The following MACROD2 variants were observed in gnomAD, a reference collection of about 807,000 sequenced individuals.
MACROD2 encodes the protein ADP-ribose glycohydrolase MACROD2.
Under a neutral mutation model 70.4 loss-of-function variants are expected in MACROD2, and 36 were observed. The ratio of observed to expected loss-of-function variants is 0.51; its 90% CI spans 0.39 to 0.68. The LOEUF is 0.68. MACROD2 is among the 30% of genes least tolerant of loss of function. The probability of loss-of-function intolerance (pLI) is 0.00; values close to 1 mark genes in which losing one functional copy is unlikely to be tolerated. For synonymous variants in MACROD2, 172 were observed against 178.8 expected, an observed-to-expected ratio of 0.96 and a Z score of 0.30; for missense variants, 496 against 538.4, an observed-to-expected ratio of 0.92 and a Z score of 0.78.
chr20:15,243,989 T>A (rs904511241), intron 6 of MACROD2, among the ~76,000 whole-genome samples: 2 of 152,118 alleles, frequency 1.3e-5, no homozygotes, highest in Admixed American at 6.5e-5. Context: ...TTATTAAAAA[T>A]TAAATTTTAT....
intron 5 of MACROD2, among the ~76,000 whole-genome samples, chr20:14,804,245 A>G (rs2072612523): frequency 6.6e-6 from 1 of 150,740 alleles, no homozygotes; most frequent in South Asian, 2.1e-4. Flanking sequence ...GGCTGTTTTT[A>G]TTTTTCTGTT....
intron 10 of MACROD2, among the ~76,000 whole-genome samples, chr20:15,898,320 C>T (rs887132725): frequency 1.3e-5 from 2 of 152,012 alleles, no homozygotes; most frequent in Non-Finnish European, 2.9e-5. Flanking sequence ...GAGCCCGAGG[C>T]GGGTGGATCA....
At chr20:14,857,810 G>GTTTGTTTTGTTTTGT (rs71190157) in intron 5 of MACROD2, among the ~76,000 whole-genome samples, 43,326 of 151,048 alleles carry the variant, frequency 0.29, 7,226 homozygotes, top group Non-Finnish European at 0.37. Context: ...TGCTTTTTTT[G>GTTTGTTTTGTTTTGT]TTTGTTTTGT....
At chr20:15,230,410 G>A (rs175284) in intron 6 of MACROD2, among the ~76,000 whole-genome samples, 143,769 of 152,262 alleles carry the variant, frequency 0.94, 67,943 homozygotes, top group East Asian at 0.99. Context: ...AGTTTGTTAT[G>A]ATAGCGCACA....
intron 6 of MACROD2, among the ~76,000 whole-genome samples, chr20:15,250,861 T>G (rs1004842126): frequency 6.6e-6 from 1 of 152,210 alleles, no homozygotes; most frequent in Non-Finnish European, 1.5e-5. Context: ...TGCTAATTAT[T>G]GGATCCATAA....
At chr20:14,496,551 T>C (rs746796375) in intron 4 of MACROD2, among the ~76,000 whole-genome samples, 4 of 152,228 alleles carry the variant, frequency 2.6e-5, no homozygotes, top group Non-Finnish European at 4.4e-5. Context: ...TTACTTTACA[T>C]TGATGTGAAT....
chr20:15,065,331 C>T (rs2075564817), intron 5 of MACROD2, among the ~76,000 whole-genome samples: 1 of 152,164 alleles, frequency 6.6e-6, no homozygotes, highest in African/African-American at 2.4e-5. Flanking sequence ...CATTGAGTTA[C>T]ATCAGGATGA....
chr20:14,669,009 A>G (rs924358871), intron 4 of MACROD2, among the ~76,000 whole-genome samples: 4 of 152,200 alleles, frequency 2.6e-5, no homozygotes, highest in Non-Finnish European at 4.4e-5. Flanking sequence ...AATCAGAAAA[A>G]GATGTCAAAA....
At chr20:14,438,902 T>A (rs2084089096) in intron 3 of MACROD2, among the ~76,000 whole-genome samples, 1 of 151,584 alleles carries the variant, frequency 6.6e-6, no homozygotes, top group South Asian at 2.1e-4. Flanking sequence ...CAGAAGCTTT[T>A]AAGTTTGATG....
At chr20:14,231,463 A>C (rs1252125102) in intron 3 of MACROD2, among the ~76,000 whole-genome samples, 2 of 152,196 alleles carry the variant, frequency 1.3e-5, no homozygotes, top group Non-Finnish European at 2.9e-5. Flanking sequence ...CACAAAGGAC[A>C]TGAACTCATC....
intron 8 of MACROD2, among the ~76,000 whole-genome samples, chr20:15,746,061 C>A (rs1224449109): frequency 3.3e-5 from 5 of 152,100 alleles, no homozygotes; most frequent in Non-Finnish European, 5.9e-5. Flanking sequence ...GCTTCACAAA[C>A]AATCTTGCCT....
intron 5 of MACROD2, among the ~76,000 whole-genome samples, chr20:15,215,949 T>A (rs2076806455): frequency 6.6e-6 from 1 of 152,000 alleles, no homozygotes; most frequent in African/African-American, 2.4e-5. Context: ...GGAAATGAGA[T>A]TTACTCCTAG....
At chr20:15,869,966 T>G (rs942651905) in intron 9 of MACROD2, among the ~76,000 whole-genome samples, 5 of 152,114 alleles carry the variant, frequency 3.3e-5, no homozygotes, top group Non-Finnish European at 7.4e-5. Flanking sequence ...AGTGTAGCTT[T>G]GCATAATCAT....
At chr20:15,412,360 A>G (rs1202382960) in intron 6 of MACROD2, among the ~76,000 whole-genome samples, 1 of 152,212 alleles carries the variant, frequency 6.6e-6, no homozygotes, top group African/African-American at 2.4e-5. Flanking sequence ...CTCATTTAAT[A>G]GAGACATTGA....
intron 2 of MACROD2, among the ~76,000 whole-genome samples, chr20:14,049,610 G>T (rs190366962): frequency 6.6e-6 from 1 of 150,922 alleles, no homozygotes; most frequent in East Asian, 2.0e-4. Context: ...AAAATTACGT[G>T]GGCTTGGTGG....
intron 3 of MACROD2, among the ~76,000 whole-genome samples, chr20:14,235,386 A>G (rs1397127281): frequency 7.2e-5 from 11 of 152,174 alleles, no homozygotes; most frequent in Non-Finnish European, 1.6e-4. Flanking sequence ...TATAAAACAG[A>G]GGCACACAGT....
intron 3 of MACROD2, among the ~76,000 whole-genome samples, chr20:14,234,121 T>C (rs572591597): frequency 1.5e-3 from 224 of 152,294 alleles, no homozygotes; most frequent in Non-Finnish European, 2.7e-3. Context: ...AAGATGTTAA[T>C]AATAGGGCCA....
intron 3 of MACROD2, among the ~76,000 whole-genome samples, chr20:14,376,464 G>A (rs2083371538): frequency 6.6e-6 from 1 of 152,114 alleles, no homozygotes; most frequent in Non-Finnish European, 1.5e-5. Flanking sequence ...TGCACCCTGT[G>A]GGGATGGGTG....
chr20:14,301,851 T>C (rs2082477868), intron 3 of MACROD2, among the ~76,000 whole-genome samples: 3 of 152,224 alleles, frequency 2.0e-5, no homozygotes, highest in African/African-American at 7.2e-5. Flanking sequence ...AATTCATATA[T>C]ACTTATAAAA....
Sources: allele counts gnomAD v4.1 joint callset (sites outside exome capture counted in the v4.1 genomes callset), GRCh38; gene constraint gnomAD v4.1.1; transcripts MANE v1.5; gene names NCBI Gene and HGNC (gene_info 2026-07-23, HGNC 2026-07-21).